Variants in GPATCH2 observed in about 807,000 individuals in gnomAD.
The protein encoded by GPATCH2 is G patch domain-containing protein 2.
Under a neutral mutation model 58.0 loss-of-function variants are expected in GPATCH2, and 51 were observed. That is an observed-to-expected ratio of 0.88 (90% CI 0.70 to 1.11). GPATCH2 has a LOEUF of 1.11. Ranked by LOEUF, GPATCH2 falls within the 50% of genes most tolerant of loss-of-function variation. The pLI is 0.00. For synonymous variants in GPATCH2, 222 were observed against 218.5 expected (o/e 1.02, Z -0.14); for missense variants, 625 against 652.2 (o/e 0.96, Z 0.45).
At chr1:217,481,421 T>C (rs1260082896) in intron 8 of GPATCH2, among the ~76,000 whole-genome samples, 1 of 152,054 alleles carries the variant, frequency 6.6e-6, no homozygotes, top group South Asian at 2.1e-4. Flanking sequence ...GCTAAAACAG[T>C]TGAGAGTAGT....
intron 8 of GPATCH2, among the ~76,000 whole-genome samples, chr1:217,451,152 C>T (rs1467329709): frequency 2.0e-5 from 3 of 152,142 alleles, no homozygotes; most frequent in Non-Finnish European, 2.9e-5. Flanking sequence ...ACTTTATTAA[C>T]GACTAGTGAA....
At chr1:217,498,252 GA>G in intron 7 of GPATCH2, 103 bp downstream of exon 7, 1 of 876,908 alleles carries the variant, frequency 1.1e-6, no homozygotes, top group South Asian at 1.3e-5. Context: ...AATGAGCGGG[GA>G]TTTGTATTTT....
chr1:217,542,736 A>G (rs1390998140), intron 5 of GPATCH2, among the ~76,000 whole-genome samples: 1 of 152,206 alleles, frequency 6.6e-6, no homozygotes, highest in Non-Finnish European at 1.5e-5. Flanking sequence ...TCTCTTACTT[A>G]AAACCCAAAA....
chr1:217,608,669 T>C (rs1668477927), intron 5 of GPATCH2: 3 of 984,374 alleles, frequency 3.0e-6, no homozygotes, highest in Non-Finnish European at 3.6e-6. Context: ...GCAAAGTTCA[T>C]AGGCCAAGGT....
chr1:217,492,609 C>A (rs867026026), intron 7 of GPATCH2: 4 of 152,186 alleles, frequency 2.6e-5, no homozygotes, highest in Non-Finnish European at 5.9e-5. Context: ...ACTAAAAAGT[C>A]ACTAGGTTCC....
Position 217,571,492 on chromosome 1 carries a change from G to C in GPATCH2, c.1098+38829C>G, listed in dbSNP as rs185922414. 2.0e-3 allele frequency among the ~76,000 whole-genome samples: 301 copies of C among 148,976 alleles called. 2 individuals carry two copies. Among genetic ancestry groups the C allele is most frequent in the Middle Eastern group, 0.014 (4 of 286 alleles). On this transcript the variant is annotated intron_variant, in intron 5 of 9. Transcript: ENST00000366935. ...AAATTCAACAGTATTTTACTTCTGG[G>C]CGCCACATTTGAAAGACATTAAAAA...
At chr1:217,597,733 T>G (rs941657815) in intron 5 of GPATCH2, among the ~76,000 whole-genome samples, 8 of 152,170 alleles carry the variant, frequency 5.3e-5, no homozygotes, top group African/African-American at 1.9e-4. Context: ...GTCTGCACAA[T>G]GAATGCTCCC....
At chr1:217,591,233 A>AATGGACATATATAAATGCATATATATATG (rs1667575178) in intron 5 of GPATCH2, among the ~76,000 whole-genome samples, 1 of 152,170 alleles carries the variant, frequency 6.6e-6, no homozygotes, top group Non-Finnish European at 1.5e-5. Context: ...GCATATATAT[A>AATGGACATATATAAATGCATATATATATG]ATGGACATAT....
At chr1:217,471,488 A>G (rs1660720394) in intron 8 of GPATCH2, among the ~76,000 whole-genome samples, 1 of 152,206 alleles carries the variant, frequency 6.6e-6, no homozygotes, top group Admixed American at 6.5e-5. Flanking sequence ...GGGAAGACTG[A>G]GCAAACTGAA....
At position 217,555,983 on chromosome 1, in the gene GPATCH2, T is replaced by G. The variant is rs187737368; in HGVS notation, c.1099-41094A>C. On this transcript the variant is annotated intron_variant, in intron 5 of 9. Transcript: ENST00000366935. ...AACAGGCAGAACAAAATAGTCAACT[T>G]ATAAATCATTTGAACTGCTCTCTCT... is the stretch of plus-strand genomic sequence containing the variant. 1.2e-4 allele frequency among the ~76,000 whole-genome samples: 19 copies of G among 152,322 alleles called. No individual in the cohort carries two copies. In the East Asian group the frequency reaches 3.7e-3, roughly 29 times the overall value.
chr1:217,629,678 T>C (rs1669643036), intron 1 of GPATCH2, among the ~76,000 whole-genome samples: 1 of 152,176 alleles, frequency 6.6e-6, no homozygotes, highest in Non-Finnish European at 1.5e-5. Flanking sequence ...TATATGCAAT[T>C]GCCAAAACTA....
intron 9 of GPATCH2, among the ~76,000 whole-genome samples, chr1:217,444,091 T>G (rs1159566280): frequency 1.3e-5 from 2 of 152,190 alleles, no homozygotes; most frequent in Non-Finnish European, 2.9e-5. Flanking sequence ...TAGTGTAATT[T>G]AAAACTAGAA....
intron 5 of GPATCH2, 148 bp downstream of exon 5, chr1:217,610,173 T>C (rs1326105589): frequency 9.5e-6 from 15 of 1,579,220 alleles, no homozygotes; most frequent in African/African-American, 1.4e-5. Flanking sequence ...TAGGGGAATC[T>C]CACTGGTCCA....
intron 1 of GPATCH2, among the ~76,000 whole-genome samples, chr1:217,627,065 T>C (rs1476615304): frequency 6.6e-6 from 1 of 152,098 alleles, no homozygotes; most frequent in African/African-American, 2.4e-5. Context: ...TAATTCCAGT[T>C]ATATTCATTA....
intron 1 of GPATCH2, among the ~76,000 whole-genome samples, chr1:217,625,517 G>A (rs970924482): frequency 1.3e-5 from 2 of 152,010 alleles, no homozygotes; most frequent in East Asian, 3.9e-4. Flanking sequence ...TTTTTACAAT[G>A]ACTATTGCTT....
intron 5 of GPATCH2, among the ~76,000 whole-genome samples, chr1:217,553,677 G>C (rs1267036851): frequency 1.3e-5 from 2 of 152,132 alleles, no homozygotes; most frequent in East Asian, 3.9e-4. Flanking sequence ...AACAATAAAT[G>C]CATTCTTATT....
Position 217,619,819 on chromosome 1 carries a change from T to TC in GPATCH2, c.736dup (p.Glu246GlyfsTer8). 2 of 1,606,108 alleles carry TC rather than the reference T, an allele frequency of 1.2e-6. No individual in the cohort carries two copies. The highest frequency in any genetic ancestry group is 1.7e-6 in the Non-Finnish European group (2 of 1,176,138). On this transcript the variant is annotated frameshift_variant, in exon 2 of 10. Transcript: ENST00000366935. LOFTEE classifies it high-confidence loss of function. ...GAGCTCATCTGAGACTTTTTGCTCTTCACATTCCATTTTGTCCTTATTGGT... is the reference window on the plus strand; with the variant it reads ...GAGCTCATCTGAGACTTTTTGCTCTTCCACATTCCATTTTGTCCTTATTGGT...
chr1:217,520,021 CGTAATAATTCAT>C (rs1428810337), intron 5 of GPATCH2, among the ~76,000 whole-genome samples: 11 of 151,896 alleles, frequency 7.2e-5, no homozygotes, highest in African/African-American at 1.9e-4. Flanking sequence ...ATATAATTCA[CGTAATAATTCAT>C]GTTTCACCTT....
chr1:217,544,546 C>T (rs1664932899), intron 5 of GPATCH2, among the ~76,000 whole-genome samples: 1 of 152,192 alleles, frequency 6.6e-6, no homozygotes, highest in Non-Finnish European at 1.5e-5. Context: ...CAGAAGCAAA[C>T]CAAGATTTCT....
Sources: gnomAD v4.1 joint callset for allele counts (sites outside exome capture counted in the v4.1 genomes callset) on GRCh38, gnomAD v4.1.1 for gene constraint, MANE v1.5 for transcripts, NCBI Gene and HGNC (gene_info 2026-07-23, HGNC 2026-07-21) for gene names.